GTF2E1: variants seen among roughly 807,000 people sequenced by gnomAD.
GTF2E1 encodes general transcription factor IIE subunit 1.
GTF2E1 carries 14 observed loss-of-function variants against 34.9 expected under a neutral mutation model. The ratio of observed to expected loss-of-function variants is 0.40; its 90% CI spans 0.27 to 0.63. GTF2E1 has a LOEUF of 0.63. Among genes scored for constraint, GTF2E1 ranks in the 20% least tolerant of loss-of-function variants. The pLI is 0.39. For missense variants in GTF2E1, 469 were observed against 557.7 expected, an observed-to-expected ratio of 0.84 and a Z score of 1.60; for synonymous variants, 188 against 192.9, an observed-to-expected ratio of 0.97 and a Z score of 0.21.
At chr3:120,767,049 A>G (rs773478533) in intron 2 of GTF2E1, among the ~76,000 whole-genome samples, 3 of 152,200 alleles carry the variant, frequency 2.0e-5, no homozygotes, top group Non-Finnish European at 4.4e-5. Flanking sequence ...AAAATAAGAA[A>G]TTCTACATTT....
chr3:120,744,500 C>T (rs947410483), intron 1 of GTF2E1, among the ~76,000 whole-genome samples: 1 of 152,204 alleles, frequency 6.6e-6, no homozygotes, highest in Admixed American at 6.5e-5. Context: ...AAGTGATTTC[C>T]TCATTTCTTC....
Position 120,770,819 on chromosome 3 carries a change from T to C in GTF2E1, c.540T>C (p.Phe180=). Reference sequence around the variant, plus strand: ...ATGCACGCACACTTTTGGCAAGGTTTAATGAACAAATTGAGCCCATTTATG... The same window carrying C: ...ATGCACGCACACTTTTGGCAAGGTTCAATGAACAAATTGAGCCCATTTATG... The part of the protein sequence containing the change: ...KKDARTLLAR[F]NEQIEPIYAL... The change falls in exon 3 of 5, where the codon TTT becomes TTC. Residue 180 remains phenylalanine, a synonymous_variant. Coordinates refer to ENST00000283875, the MANE Select transcript of GTF2E1 (RefSeq NM_005513.3). The C allele has an allele frequency of 6.2e-7, 1 of 1,613,688 alleles. No homozygotes were observed. Among genetic ancestry groups the C allele is most frequent in the Non-Finnish European group, 8.5e-7 (1 of 1,179,634 alleles).
Position 120,781,027 on chromosome 3 carries a change from G to C in GTF2E1, c.893-16G>C. On this transcript the variant is annotated splice_polypyrimidine_tract_variant and intron_variant, in intron 4 of 4. Coordinates refer to ENST00000283875, the MANE Select transcript of GTF2E1 (RefSeq NM_005513.3). ...TTATATTTAAGGATATTGACTTTCT[G>C]AGTTTTACTCCCCAGGGGGCATAGA... 4 of 1,560,936 alleles carry C rather than the reference G, an allele frequency of 2.6e-6. No homozygotes were observed. In the South Asian group the frequency reaches 4.6e-5, roughly 18 times the overall value.
rs773331465 is a variant in GTF2E1 at position 120,750,939 on chromosome 3, T to C, written c.387T>C (p.Cys129=). Residue 129 remains cysteine, a synonymous_variant, in exon 2 of 5, where the codon TGT becomes TGC. Coordinates refer to ENST00000283875, the MANE Select transcript of GTF2E1 (RefSeq NM_005513.3). ...RDSTNRASFK[C]PVCSSTFTDL... ...CGACCAACCGGGCTTCCTTCAAATG[T>C]CCTGTCTGTAGTAGTACTTTCACAG... is the stretch of plus-strand genomic sequence containing the variant. 1.2e-6 allele frequency: 2 copies of C among 1,613,932 alleles called. No individual in the cohort carries two copies. The highest frequency in any genetic ancestry group is 2.2e-5 in the East Asian group (1 of 44,888).
chr3:120,775,117 C>T (rs1709388011), intron 3 of GTF2E1, among the ~76,000 whole-genome samples: 2 of 151,944 alleles, frequency 1.3e-5, no homozygotes, highest in Non-Finnish European at 2.9e-5. Context: ...GTTAGAAAAC[C>T]CCAGTAGATA....
intron 2 of GTF2E1, among the ~76,000 whole-genome samples, chr3:120,765,019 C>T (rs1709295181): frequency 6.7e-6 from 1 of 149,648 alleles, no homozygotes; most frequent in South Asian, 2.1e-4. Context: ...TGTTACCAAT[C>T]CCTTCCCCCC....
Position 120,776,653 on chromosome 3 carries a change from A to G in GTF2E1, c.881A>G (p.Asp294Gly). ...GTCCAAGGGGCATATGGTTCTGAAG[A>G]TATGAAAGAAGGTAAGAGTAGAAGT... is the stretch of plus-strand genomic sequence containing the variant. ...STVQGAYGSE[D>G]MKEGGIDMDA... Residue 294 changes from aspartate (D) to glycine (G), a missense_variant, in exon 4 of 5, where the codon GAT becomes GGT. By Grantham distance (94) the Asp-to-Gly change is moderately conservative. Transcript: ENST00000283875. 6.2e-7 allele frequency: 1 copy of G among 1,612,988 alleles called. No individual in the cohort carries two copies. Among genetic ancestry groups the G allele is most frequent in the Non-Finnish European group, 8.5e-7 (1 of 1,179,566 alleles).
chr3:120,751,288 C>T (rs1709163291), intron 2 of GTF2E1, among the ~76,000 whole-genome samples: 1 of 152,174 alleles, frequency 6.6e-6, no homozygotes, highest in Non-Finnish European at 1.5e-5. Flanking sequence ...GGGTTGATTT[C>T]TCTACCACTT....
intron 1 of GTF2E1, among the ~76,000 whole-genome samples, chr3:120,746,160 G>A (rs966268700): frequency 6.6e-6 from 1 of 152,078 alleles, no homozygotes; most frequent in Non-Finnish European, 1.5e-5. Flanking sequence ...CTTATAAAAA[G>A]AGTATTAAAT....
At position 120,781,408 on chromosome 3, in the gene GTF2E1, C is replaced by A. The variant is rs201713346; in HGVS notation, c.1258C>A (p.Pro420Thr). 1 of 1,614,062 alleles carries A rather than the reference C, an allele frequency of 6.2e-7. No individual in the cohort carries two copies. The highest frequency in any genetic ancestry group is 1.3e-5 in the African/African-American group (1 of 75,028). Reference protein sequence around the residue: ...QRPELVAQMTPEEKEAYIAMG... With the variant: ...QRPELVAQMTTEEKEAYIAMG... ...GCCAGAGCTAGTGGCCCAGATGACA[C>A]CAGAAGAAAAGGAAGCATATATAGC... is the stretch of plus-strand genomic sequence containing the variant. The change falls in exon 5 of 5, where the codon CCA becomes ACA. Residue 420 changes from proline to threonine, a missense_variant. Physicochemically the swap from Pro to Thr is conservative, Grantham distance 38. Transcript: ENST00000283875.
intron 4 of GTF2E1, among the ~76,000 whole-genome samples, chr3:120,780,834 T>A (rs577258486): frequency 6.6e-6 from 1 of 152,342 alleles, no homozygotes; most frequent in East Asian, 1.9e-4. Flanking sequence ...ATAATACTCT[T>A]AAAGCCAATG....
At chr3:120,760,540 A>G (rs893008839) in intron 2 of GTF2E1, among the ~76,000 whole-genome samples, 3 of 152,196 alleles carry the variant, frequency 2.0e-5, no homozygotes, top group Non-Finnish European at 4.4e-5. Flanking sequence ...GTTTTTGACC[A>G]TTCAGTATGA....
At chr3:120,749,709 T>C (rs1173523104) in intron 1 of GTF2E1, 1 of 152,212 alleles carries the variant, frequency 6.6e-6, no homozygotes, top group Non-Finnish European at 1.5e-5. Flanking sequence ...GATATTGGTC[T>C]AAAATTCTCC....
At chr3:120,777,639 C>T (rs956832334) in intron 4 of GTF2E1, among the ~76,000 whole-genome samples, 12 of 152,150 alleles carry the variant, frequency 7.9e-5, no homozygotes, top group African/African-American at 2.9e-4. Context: ...AATACCTCTA[C>T]TGTGATTCTC....
intron 2 of GTF2E1, among the ~76,000 whole-genome samples, chr3:120,765,615 C>G (rs550844756): frequency 6.6e-6 from 1 of 152,132 alleles, no homozygotes; most frequent in African/African-American, 2.4e-5. Flanking sequence ...TATTTGAATC[C>G]AAGTTTAGTG....
intron 2 of GTF2E1, among the ~76,000 whole-genome samples, chr3:120,764,396 G>T (rs549824429): frequency 6.6e-6 from 1 of 152,312 alleles, no homozygotes; most frequent in East Asian, 1.9e-4. Flanking sequence ...GATCTTCCCT[G>T]TTTCCTTGGC....
At chr3:120,746,323 T>C (rs1379581413) in intron 1 of GTF2E1, among the ~76,000 whole-genome samples, 1 of 152,066 alleles carries the variant, frequency 6.6e-6, no homozygotes, top group African/African-American at 2.4e-5. Flanking sequence ...ACCCTGTCTC[T>C]ACTAAAAATT....
chr3:120,773,217 C>T (rs1709367292), intron 3 of GTF2E1, among the ~76,000 whole-genome samples: 1 of 152,036 alleles, frequency 6.6e-6, no homozygotes, highest in Non-Finnish European at 1.5e-5. Flanking sequence ...TTGACAAATT[C>T]CACTGCTTGG....
intron 1 of GTF2E1, among the ~76,000 whole-genome samples, chr3:120,747,694 C>G (rs1461275449): frequency 1.1e-4 from 17 of 152,238 alleles, no homozygotes; most frequent in African/African-American, 4.1e-4. Context: ...TGTGAGTAGT[C>G]CCGCAGTAAA....
Sources: allele counts gnomAD v4.1 joint callset (sites outside exome capture counted in the v4.1 genomes callset), GRCh38; gene constraint gnomAD v4.1.1; transcripts MANE v1.5; gene names NCBI Gene and HGNC (gene_info 2026-07-23, HGNC 2026-07-21).